The following SLC1A2 variants were observed in gnomAD, a reference collection of about 807,000 sequenced individuals.
The protein encoded by SLC1A2 is solute carrier family 1 member 2.
A neutral mutation model predicts 48.8 loss-of-function variants in SLC1A2; 15 were observed. That is an observed-to-expected ratio of 0.31 (90% CI 0.21 to 0.47). The LOEUF is 0.47. SLC1A2 is among the 20% of genes least tolerant of loss of function. The pLI is 0.99. For missense variants in SLC1A2, 502 were observed against 730.5 expected (o/e 0.69, Z 3.61); for synonymous variants, 279 against 272.6 (o/e 1.02, Z -0.23).
intron 1 of SLC1A2, among the ~76,000 whole-genome samples, chr11:35,317,790 A>G (rs931334064): frequency 1.3e-5 from 2 of 152,254 alleles, no homozygotes; most frequent in African/African-American, 4.8e-5. Context: ...GAAGGAAGTT[A>G]TCATGTTACA....
chr11:35,403,097 ACAAT>A (rs1216599144), intron 1 of SLC1A2, among the ~76,000 whole-genome samples: 69 of 152,340 alleles, frequency 4.5e-4, no homozygotes, highest in Non-Finnish European at 1.0e-4. Flanking sequence ...AAGAACAATG[ACAAT>A]CAACATTATA....
chr11:35,302,178 A>G (rs1851375764), intron 5 of SLC1A2, among the ~76,000 whole-genome samples: 1 of 152,200 alleles, frequency 6.6e-6, no homozygotes, highest in South Asian at 2.1e-4. Context: ...ATTATTTTTT[A>G]TTACTACACA....
intron 1 of SLC1A2, among the ~76,000 whole-genome samples, chr11:35,350,057 C>T (rs2135077924): frequency 6.6e-6 from 1 of 152,222 alleles, no homozygotes; most frequent in East Asian, 1.9e-4. Flanking sequence ...GAAATGAAAG[C>T]ACTGTATGAG....
intron 1 of SLC1A2, among the ~76,000 whole-genome samples, chr11:35,414,114 T>C (rs554137310): frequency 2.4e-4 from 37 of 152,284 alleles, no homozygotes; most frequent in Admixed American, 4.6e-4. Context: ...AAAGCAACTG[T>C]CGAGATTGCC....
At chr11:35,365,928 G>T (rs982842696) in intron 1 of SLC1A2, among the ~76,000 whole-genome samples, 3 of 152,214 alleles carry the variant, frequency 2.0e-5, no homozygotes, top group African/African-American at 7.2e-5. Context: ...TGAGGTGAGG[G>T]GAGGGAGGCT....
chr11:35,405,458 C>G (rs550544646), intron 1 of SLC1A2, among the ~76,000 whole-genome samples: 1 of 148,092 alleles, frequency 6.8e-6, no homozygotes, highest in South Asian at 2.1e-4. Context: ...GAAAAATCTG[C>G]TTTGACTTAA....
In SLC1A2 at chr11:35,255,837, C is replaced by T. The variant is rs1369411338; in HGVS notation, c.*5057G>A. 1 of 152,178 alleles carries T rather than the reference C, an allele frequency of 6.6e-6. No homozygotes were observed. The highest frequency in any genetic ancestry group is 1.9e-4 in the East Asian group (1 of 5,204). The allele number at this position is 152,178 out of a possible 1,614,324, so 9.4% of individuals were successfully genotyped here. ...TTTATTGGTGTCTCAAAATATCAAA[C>T]TGTGAATGAACATGGCCAACTTTGA... is the stretch of plus-strand genomic sequence containing the variant. On this transcript the variant is annotated 3_prime_UTR_variant, in exon 11 of 11. Transcript: ENST00000278379.
At chr11:35,271,408 G>A (rs552462084) in intron 9 of SLC1A2, among the ~76,000 whole-genome samples, 5 of 152,338 alleles carry the variant, frequency 3.3e-5, no homozygotes, top group Admixed American at 6.5e-5. Context: ...GTAAAAAGCA[G>A]ACAGTCTAGG....
intron 1 of SLC1A2, among the ~76,000 whole-genome samples, chr11:35,340,859 G>A (rs1051800075): frequency 6.6e-6 from 1 of 152,088 alleles, no homozygotes; most frequent in Non-Finnish European, 1.5e-5. Context: ...GTTACATAAG[G>A]GTCATCTTAT....
At chr11:35,314,264 T>C (rs937385050) in intron 3 of SLC1A2, among the ~76,000 whole-genome samples, 2 of 152,236 alleles carry the variant, frequency 1.3e-5, no homozygotes, top group African/African-American at 4.8e-5. Flanking sequence ...AACTTTGTTC[T>C]GAAAAACTCA....
At chr11:35,393,239 G>A (rs1854838982) in intron 1 of SLC1A2, among the ~76,000 whole-genome samples, 1 of 152,222 alleles carries the variant, frequency 6.6e-6, no homozygotes, top group Non-Finnish European at 1.5e-5. Context: ...CCATGCAGCT[G>A]CCAGATGTGG....
intron 1 of SLC1A2, among the ~76,000 whole-genome samples, chr11:35,333,827 A>ATTT (rs373988431): frequency 4.8e-5 from 6 of 126,194 alleles, no homozygotes; most frequent in African/African-American, 1.2e-4. Flanking sequence ...ATGCCAGCTA[A>ATTT]TTTTTTTTTT....
In SLC1A2 at chr11:35,317,384, C is replaced by A. The variant is rs34298257; in HGVS notation, c.150G>T (p.Thr50=). Residue 50 remains threonine (T), a synonymous_variant, in exon 2 of 11, where the codon ACG becomes ACT. Coordinates refer to ENST00000278379, the MANE Select transcript of SLC1A2 (RefSeq NM_004171.4). The part of the protein sequence containing the change: ...KLGKNLLLTL[T]VFGVILGAVC... ...GGTAGTGCAGGTACCTACCAAACAC[C>A]GTCAGGGTGAGCAGCAGATTCTTCC... 5 of 1,613,930 alleles carry A rather than the reference C, an allele frequency of 3.1e-6. No homozygotes were observed. In the African/African-American group the frequency reaches 4.0e-5, roughly 13 times the overall value.
chr11:35,388,311 A>G (rs562725237), intron 1 of SLC1A2, among the ~76,000 whole-genome samples: 92 of 152,364 alleles, frequency 6.0e-4, no homozygotes, highest in Middle Eastern at 6.8e-3. Flanking sequence ...CATCAGTTTC[A>G]CATTTTCATC....
intron 1 of SLC1A2, among the ~76,000 whole-genome samples, chr11:35,318,033 T>C (rs1249601565): frequency 6.6e-6 from 1 of 152,222 alleles, no homozygotes; most frequent in African/African-American, 2.4e-5. Context: ...CTTTATTTCT[T>C]TTTTGGAAAA....
rs1591393181 is a variant in SLC1A2, at chr11:35,257,001, T to C, written c.*3893A>G. 6.6e-6 allele frequency: 1 copy of C among 152,072 alleles called. No individual in the cohort carries two copies. The highest frequency in any genetic ancestry group is 2.1e-4 in the South Asian group (1 of 4,820). 9.4% of individuals were successfully genotyped at this position (152,072 alleles called of 1,614,324 possible). A position where few individuals can be genotyped will look rare whatever the true frequency, so the allele number is the denominator to read the frequency against. ...GCCGAAGCCTTGATTCTGACAAAAG[T>C]AAAAAAAACTATAACATCACTTTTG... On this transcript the variant is annotated 3_prime_UTR_variant, in exon 11 of 11. Coordinates refer to ENST00000278379, the MANE Select transcript of SLC1A2 (RefSeq NM_004171.4).
At chr11:35,373,032 G>T (rs998244123) in intron 1 of SLC1A2, among the ~76,000 whole-genome samples, 3 of 152,192 alleles carry the variant, frequency 2.0e-5, no homozygotes, top group Non-Finnish European at 4.4e-5. Flanking sequence ...TCTGCCCACT[G>T]CTCACAGCAT....
Position 35,254,386 on chromosome 11 carries a change from G to T in SLC1A2, c.*6508C>A, listed in dbSNP as rs186063703. 8.2e-4 allele frequency: 130 copies of T among 158,716 alleles called. No homozygotes were observed. The highest frequency in any genetic ancestry group is 2.8e-3 in the African/African-American group (116 of 41,604). The allele number at this position is 158,716 out of a possible 1,614,324, so 9.8% of individuals were successfully genotyped here. On this transcript the variant is annotated 3_prime_UTR_variant, in exon 11 of 11. Transcript: ENST00000278379. Reference sequence around the variant, plus strand: ...CAAAGGATGACTTTCTATAAGGGAAGTAACTCTTATGGAGTATTAAACCAC... The same window carrying T: ...CAAAGGATGACTTTCTATAAGGGAATTAACTCTTATGGAGTATTAAACCAC...
intron 1 of SLC1A2, among the ~76,000 whole-genome samples, chr11:35,334,814 ATTTTGTTTTGTTTTGTTTTGTTTTG>A (rs10611656): frequency 2.7e-3 from 401 of 147,102 alleles, no homozygotes; most frequent in African/African-American, 8.6e-3. Context: ...CTGGAGAGCA[ATTTTGTTTTGTTTTGTTTTGTTTTG>A]TTTTGTTTTG....
Sources: gnomAD v4.1 joint callset for allele counts (sites outside exome capture counted in the v4.1 genomes callset) on GRCh38, gnomAD v4.1.1 for gene constraint, MANE v1.5 for transcripts, NCBI Gene and HGNC (gene_info 2026-07-23, HGNC 2026-07-21) for gene names.